The following ZNF302 variants were observed in gnomAD, a reference collection of about 807,000 sequenced individuals.
ZNF302 encodes zinc finger protein 327.
A neutral mutation model predicts 10.8 loss-of-function variants in ZNF302; 12 were observed. That is an observed-to-expected ratio of 1.11 (90% confidence interval 0.71 to 1.79). The LOEUF (loss-of-function observed/expected upper bound fraction) is 1.79. Among genes scored for constraint, ZNF302 ranks in the 40% most tolerant of loss-of-function variants. ZNF302 has a pLI of 0.00. For synonymous variants in ZNF302, 178 were observed against 157.5 expected, an observed-to-expected ratio of 1.13 and a Z score of -0.98; for missense variants, 461 against 471.1, an observed-to-expected ratio of 0.98 and a Z score of 0.20.
chr19:34,684,133 A>C (rs2068505637), intron 4 of ZNF302, 119 bp from the exon 5 acceptor site: 1 of 1,313,536 alleles, frequency 7.6e-7, no homozygotes, highest in African/African-American at 1.8e-5. Context: ...TTCTTATCCA[A>C]TTCTCCTAAT....
Position 34,684,286 on chromosome 19 carries a change from A to G in ZNF302, c.249A>G (p.Ser83=), listed in dbSNP as rs780259842. ...CAAGATGGGAAAACAAGGAATTATC[A>G]ACAAAGAAGGATATTTATGATGAAG... ...WESRWENKEL[S]TKKDIYDEDS... Residue 83 remains serine (S), a synonymous_variant, in exon 5 of 5, where the codon TCA becomes TCG. Coordinates refer to ENST00000505242, the MANE Select transcript of ZNF302 (RefSeq NM_001289187.2). The G allele has an allele frequency of 6.4e-7, 1 of 1,561,436 alleles. No individual in the cohort carries two copies. Among genetic ancestry groups the G allele is most frequent in the Non-Finnish European group, 8.6e-7 (1 of 1,160,940 alleles).
intron 4 of ZNF302, 122 bp downstream of exon 4, chr19:34,683,360 T>G: frequency 8.8e-7 from 1 of 1,136,388 alleles, no homozygotes; most frequent in Non-Finnish European, 1.3e-6. Context: ...AAATGAAAAA[T>G]TGAGGGATAT....
chr19:34,679,900 A>G (rs1430566516), intron 2 of ZNF302: 2 of 703,048 alleles, frequency 2.8e-6, no homozygotes, highest in Non-Finnish European at 5.2e-6. Flanking sequence ...TAAGATGAGT[A>G]ATGAAGAACT....
chr19:34,684,893 GAA>G lies in ZNF302; in HGVS notation c.857_858del (p.Glu286ValfsTer9). The G allele has an allele frequency of 6.2e-7, 1 of 1,613,908 alleles. No individual in the cohort carries two copies. Among genetic ancestry groups the G allele is most frequent in the Non-Finnish European group, 8.5e-7 (1 of 1,179,848 alleles). On this transcript the variant is annotated frameshift_variant, in exon 5 of 5. Coordinates refer to ENST00000505242, the MANE Select transcript of ZNF302 (RefSeq NM_001289187.2). LOFTEE classifies it low-confidence loss of function (END_TRUNC). Reference protein sequence around the residue: ...QSTHTGEKPYECMNCGKSFSR... With the variant: ...QSTHTGEKPYXCMNCGKSFSR... ...CACTCACACGGGAGAGAAACCGTATGAATGTATGAACTGTGGAAAGTCTTTTA... is the reference window on the plus strand; with the variant it reads ...CACTCACACGGGAGAGAAACCGTATGTGTATGAACTGTGGAAAGTCTTTTA...
At chr19:34,681,560 T>C (rs1351051961) in intron 2 of ZNF302, 2 of 152,262 alleles carry the variant, frequency 1.3e-5, no homozygotes, top group Non-Finnish European at 2.9e-5. Context: ...GAAACCGTTC[T>C]ACCTCAGATC....
chr19:34,676,726 T>G (rs1004195176), upstream of ZNF302: 2 of 152,156 alleles, frequency 1.3e-5, no homozygotes, highest in African/African-American at 4.8e-5. Context: ...CAGTACTTAA[T>G]AAGTACAAAA....
intron 2 of ZNF302, among the ~76,000 whole-genome samples, chr19:34,679,600 T>G (rs1304889145): frequency 6.6e-6 from 1 of 152,138 alleles, no homozygotes; most frequent in African/African-American, 2.4e-5. Flanking sequence ...TGCATCCTTA[T>G]CTCCTTCTGT....
chr19:34,683,372 T>G, intron 4 of ZNF302, 134 bp downstream of exon 4: 1 of 991,142 alleles, frequency 1.0e-6, no homozygotes, highest in Non-Finnish European at 1.5e-6. Flanking sequence ...GAGGGATATT[T>G]AGCTTAGATT....
chr19:34,682,925 T>G (rs200152367), intron 3 of ZNF302, 28 bp downstream of exon 3: 3 of 1,562,424 alleles, frequency 1.9e-6, no homozygotes, highest in Middle Eastern at 1.7e-4. Flanking sequence ...TCCACTCCAA[T>G]AGGGGACACC....
At chr19:34,681,901 C>CT (rs780839823) in intron 2 of ZNF302, 2 of 152,184 alleles carry the variant, frequency 1.3e-5, no homozygotes, top group Non-Finnish European at 2.9e-5. Context: ...ATATATTTTT[C>CT]TTTTTTGTTT....
chr19:34,682,674 G>A, intron 2 of ZNF302, 103 bp from the exon 3 acceptor site: 1 of 1,548,146 alleles, frequency 6.5e-7, no homozygotes, highest in South Asian at 1.2e-5. Context: ...CACAGCTCCT[G>A]AATCTTGTTC....
Position 34,684,803 on chromosome 19 carries a change from C to A in ZNF302, c.766C>A (p.Pro256Thr). 6.2e-7 allele frequency: 1 copy of A among 1,613,960 alleles called. No homozygotes were observed. Among genetic ancestry groups the A allele is most frequent in the Non-Finnish European group, 8.5e-7 (1 of 1,179,878 alleles). ...RHQISHSGEK[P>T]YKCIECGKAF... ...TCAGATAAGCCATAGTGGAGAGAAACCTTACAAATGCATTGAATGTGGGAA... is the reference window on the plus strand; with the variant it reads ...TCAGATAAGCCATAGTGGAGAGAAAACTTACAAATGCATTGAATGTGGGAA... The change falls in exon 5 of 5, where the codon CCT becomes ACT. Residue 256 changes from proline to threonine, a missense_variant. Transcript: ENST00000505242.
At chr19:34,679,379 A>T (rs1223326447) in intron 2 of ZNF302, among the ~76,000 whole-genome samples, 6 of 152,062 alleles carry the variant, frequency 3.9e-5, no homozygotes, top group African/African-American at 4.8e-5. Flanking sequence ...CCATGGTCCT[A>T]TTGTTATATA....
chr19:34,678,925 C>CTAT, intron 2 of ZNF302, 112 bp downstream of exon 2: 1 of 1,266,774 alleles, frequency 7.9e-7, no homozygotes, highest in Non-Finnish European at 1.1e-6. Flanking sequence ...GGGACTAGAT[C>CTAT]TATGGTTCCT....
rs1172844849 is a variant in ZNF302, at chr19:34,682,887, G to T, written c.120G>T (p.Leu40=). Residue 40 remains leucine (L), a synonymous_variant, in exon 3 of 5, where the codon CTG becomes CTT. Coordinates refer to ENST00000505242, the MANE Select transcript of ZNF302 (RefSeq NM_001289187.2). Reference sequence around the variant, plus strand: ...TGATGGTCCAGAATTATGAGAACCTGGTCTCTGTAGGTAAGGATATCACCC... The same window carrying T: ...TGATGGTCCAGAATTATGAGAACCTTGTCTCTGTAGGTAAGGATATCACCC... ...KDVMVQNYEN[L]VSVGLSVTKP... is the part of the protein sequence containing the mutation. The T allele has an allele frequency of 8.1e-6, 13 of 1,613,726 alleles. No homozygotes were observed. Among genetic ancestry groups the T allele is most frequent in the East Asian group, 4.5e-5 (2 of 44,886 alleles).
chr19:34,685,786 G>A lies in ZNF302; in HGVS notation c.*549G>A, dbSNP rs558964909. The A allele has an allele frequency of 2.8e-5, 13 of 469,130 alleles. No individual in the cohort carries two copies. The highest frequency in any genetic ancestry group is 4.6e-5 in the Non-Finnish European group (12 of 260,838). The allele number at this position is 469,130 out of a possible 1,614,324, so 29.1% of individuals were successfully genotyped here. On this transcript the variant is annotated 3_prime_UTR_variant, in exon 5 of 5. Transcript: ENST00000505242. ...TTTTTATTAGAGTTTATACTGTAGA[G>A]AAATCATATGAAGTCAATAAATGTG...
In ZNF302 at chr19:34,682,854, C is replaced by T; in HGVS notation, c.87C>T (p.Tyr29=). The part of the protein sequence containing the change: ...ACLDSAQRDL[Y]KDVMVQNYEN... ...TAGATTCTGCTCAGAGGGACTTATA[C>T]AAGGATGTGATGGTCCAGAATTATG... Residue 29 remains tyrosine (Y), a synonymous_variant, in exon 3 of 5, where the codon TAC becomes TAT. Coordinates refer to ENST00000505242, the MANE Select transcript of ZNF302 (RefSeq NM_001289187.2). The T allele has an allele frequency of 2.5e-6, 4 of 1,613,828 alleles. No individual in the cohort carries two copies. The highest frequency in any genetic ancestry group is 3.4e-6 in the Non-Finnish European group (4 of 1,179,762).
intron 2 of ZNF302, among the ~76,000 whole-genome samples, chr19:34,679,551 A>G (rs1177670976): frequency 6.6e-6 from 1 of 152,102 alleles, no homozygotes; most frequent in African/African-American, 2.4e-5. Flanking sequence ...TTGCTGTGCC[A>G]TCCACGTGGA....
At chr19:34,677,034 C>A (rs2067979894), upstream of ZNF302, 1 of 152,076 alleles carries the variant, frequency 6.6e-6, no homozygotes, top group East Asian at 1.9e-4. Context: ...CACGTCAGAA[C>A]GGCCATTAGT....
Sources: gnomAD v4.1 joint callset for allele counts (sites outside exome capture counted in the v4.1 genomes callset) on GRCh38, gnomAD v4.1.1 for gene constraint, MANE v1.5 for transcripts, NCBI Gene and HGNC (gene_info 2026-07-23, HGNC 2026-07-21) for gene names.